NME7: variants seen among roughly 807,000 people sequenced by gnomAD.
NME7 encodes nucleoside diphosphate kinase 7.
NME7 carries 41 observed loss-of-function variants against 49.1 expected under a neutral mutation model. The ratio of observed to expected loss-of-function variants is 0.83; its 90% confidence interval spans 0.65 to 1.08. The LOEUF is 1.08. Among genes scored for constraint, NME7 ranks in the 50% least tolerant of loss-of-function variants. The pLI, the probability that NME7 is intolerant of heterozygous loss-of-function variation, is 0.00. For synonymous variants in NME7, 139 were observed against 150.6 expected (o/e 0.92, Z 0.56); for missense variants, 423 against 463.4 (o/e 0.91, Z 0.80).
chr1:169,207,380 T>C (rs539626794), intron 10 of NME7, among the ~76,000 whole-genome samples: 1 of 152,070 alleles, frequency 6.6e-6, no homozygotes, highest in Middle Eastern at 3.4e-3. Flanking sequence ...AATATGAGAT[T>C]TGGGGGAGTC....
At chr1:169,228,347 T>C (rs1647431507) in intron 10 of NME7, among the ~76,000 whole-genome samples, 1 of 152,144 alleles carries the variant, frequency 6.6e-6, no homozygotes, top group African/African-American at 2.4e-5. Flanking sequence ...TTCTGTTTGT[T>C]AGGTCAAGCT....
At chr1:169,311,157 G>A (rs554055980) in intron 3 of NME7, among the ~76,000 whole-genome samples, 56 of 152,074 alleles carry the variant, frequency 3.7e-4, no homozygotes, top group Admixed American at 6.5e-4. Flanking sequence ...GGTGGCTCAC[G>A]CCTGTAATCC....
chr1:169,143,160 C>T (rs1658649081), intron 11 of NME7, among the ~76,000 whole-genome samples: 2 of 152,182 alleles, frequency 1.3e-5, no homozygotes, highest in East Asian at 1.9e-4. Flanking sequence ...ATGTCAACGC[C>T]CATTCCCCTC....
At chr1:169,217,222 G>A (rs903774239) in intron 10 of NME7, among the ~76,000 whole-genome samples, 3 of 152,070 alleles carry the variant, frequency 2.0e-5, no homozygotes, top group Admixed American at 1.3e-4. Context: ...AACAAATAAT[G>A]GAGAAGACTT....
Position 169,302,658 on chromosome 1 carries a change from G to C in NME7, c.440+487C>G, listed in dbSNP as rs574539352. Among the ~76,000 whole-genome samples, 4 of 152,088 alleles carry C rather than the reference G, an allele frequency of 2.6e-5. No individual in the cohort carries two copies. In the East Asian group the frequency reaches 7.7e-4, roughly 29 times the overall value. ...CAAGGGTTGAAAAACTAACTATTGGGTATTACGCTCAGTACCTGGGTAATG... is the reference window on the plus strand; with the variant it reads ...CAAGGGTTGAAAAACTAACTATTGGCTATTACGCTCAGTACCTGGGTAATG... On this transcript the variant is annotated intron_variant, in intron 5 of 11. Coordinates refer to ENST00000367811, the MANE Select transcript of NME7 (RefSeq NM_013330.5).
Position 169,169,568 on chromosome 1 carries a change from A to G in NME7, c.991-14T>C. On this transcript the variant is annotated splice_polypyrimidine_tract_variant and intron_variant, in intron 10 of 11. Coordinates refer to ENST00000367811, the MANE Select transcript of NME7 (RefSeq NM_013330.5). ...CCGGGCAATTTCCTATTAAACATAC[A>G]TTCACATATAGATTAATGTTAGTCA... 3 of 1,600,890 alleles carry G rather than the reference A, an allele frequency of 1.9e-6. No individual in the cohort carries two copies. The highest frequency in any genetic ancestry group is 2.6e-6 in the Non-Finnish European group (3 of 1,168,242).
At chr1:169,300,650 C>T (rs1650901099) in intron 5 of NME7, among the ~76,000 whole-genome samples, 1 of 151,924 alleles carries the variant, frequency 6.6e-6, no homozygotes, top group African/African-American at 2.4e-5. Context: ...ATGAACATTG[C>T]TTTATGTATA....
chr1:169,184,769 CAT>C lies in NME7; in HGVS notation c.991-15217_991-15216del, dbSNP rs34215866. On this transcript the variant is annotated intron_variant, in intron 10 of 11. Coordinates refer to ENST00000367811, the MANE Select transcript of NME7 (RefSeq NM_013330.5). ...GGTCACAGTCTTATAAGAAGTCAGA[CAT>C]GTTAATAAACAGTCGGTGATGTGCT... Among the ~76,000 whole-genome samples the C allele has an allele frequency of 0.05, 7,677 of 152,148 alleles. 1,105 individuals are homozygous for C. The East Asian group carries it at 0.59, about 12-fold the overall frequency.
At chr1:169,175,178 T>TTAGCCTAGGC (rs1272111464) in intron 10 of NME7, among the ~76,000 whole-genome samples, 4 of 152,084 alleles carry the variant, frequency 2.6e-5, no homozygotes, top group African/African-American at 4.8e-5. Context: ...AACACATGCA[T>TTAGCCTAGGC]TAGCCTAGGC....
intron 10 of NME7, among the ~76,000 whole-genome samples, chr1:169,213,240 CCACAGGCT>C (rs1328295033): frequency 1.3e-5 from 2 of 152,028 alleles, no homozygotes; most frequent in South Asian, 4.2e-4. Flanking sequence ...TTTGTTGTGA[CCACAGGCT>C]CACAGGAACC....
intron 10 of NME7, among the ~76,000 whole-genome samples, chr1:169,217,081 A>C (rs1322277546): frequency 1.3e-5 from 2 of 152,226 alleles, no homozygotes; most frequent in African/African-American, 2.4e-5. Context: ...TTATAGTTAT[A>C]TTTGTCAATT....
At chr1:169,297,867 C>G (rs73035381) in intron 6 of NME7, among the ~76,000 whole-genome samples, 3,873 of 152,180 alleles carry the variant, frequency 0.025, 138 homozygotes, top group African/African-American at 0.086. Flanking sequence ...GTGATTCAGA[C>G]CACAATGATC....
intron 10 of NME7, among the ~76,000 whole-genome samples, chr1:169,194,847 CAA>C: frequency 6.6e-6 from 1 of 152,122 alleles, no homozygotes; most frequent in East Asian, 1.9e-4. Context: ...CAAATATCCT[CAA>C]AGAGTTAAAA....
intron 7 of NME7, among the ~76,000 whole-genome samples, chr1:169,260,765 C>A (rs780303924): frequency 7.5e-6 from 1 of 133,784 alleles, no homozygotes; most frequent in African/African-American, 2.5e-5. Flanking sequence ...ATCTTTGCTA[C>A]AAACTCTTTT....
At chr1:169,205,006 T>C (rs1660636215) in intron 10 of NME7, among the ~76,000 whole-genome samples, 1 of 152,088 alleles carries the variant, frequency 6.6e-6, no homozygotes, top group African/African-American at 2.4e-5. Context: ...TGATCAACTA[T>C]AAGATTATTC....
chr1:169,241,097 A>G (rs1648068154), intron 7 of NME7, among the ~76,000 whole-genome samples: 1 of 152,182 alleles, frequency 6.6e-6, no homozygotes. Context: ...TTACTCACAA[A>G]TGCTTTTCCT....
At chr1:169,143,747 C>G (rs1394719187) in intron 11 of NME7, among the ~76,000 whole-genome samples, 1 of 152,130 alleles carries the variant, frequency 6.6e-6, no homozygotes, top group African/African-American at 2.4e-5. Flanking sequence ...TGGCAACTTC[C>G]ATTCATTGCA....
intron 1 of NME7, among the ~76,000 whole-genome samples, chr1:169,355,331 A>AC (rs1653423810): frequency 1.9e-5 from 2 of 103,392 alleles, no homozygotes; most frequent in Admixed American, 1.6e-4. Flanking sequence ...TATATAATAT[A>AC]TTGTATATTA....
intron 11 of NME7, among the ~76,000 whole-genome samples, chr1:169,162,259 T>C (rs578262401): frequency 6.6e-6 from 1 of 152,326 alleles, no homozygotes; most frequent in South Asian, 2.1e-4. Context: ...ACCACAGTCT[T>C]GGTGAACTGA....
Sources: allele counts gnomAD v4.1 joint callset (sites outside exome capture counted in the v4.1 genomes callset), GRCh38; gene constraint gnomAD v4.1.1; transcripts MANE v1.5; gene names NCBI Gene and HGNC (gene_info 2026-07-23, HGNC 2026-07-21).